The following PIK3C2G variants were observed in gnomAD, a reference collection of about 807,000 sequenced individuals.
PIK3C2G encodes phosphatidylinositol 3-kinase C2 domain-containing subunit gamma.
PIK3C2G carries 168 observed loss-of-function variants against 181.1 expected under a neutral mutation model. That is an observed-to-expected ratio of 0.93 (90% CI 0.82 to 1.05). The LOEUF (loss-of-function observed/expected upper bound fraction) is 1.05, where lower values mean the gene tolerates loss of function less well. PIK3C2G is among the 50% of genes least tolerant of loss of function. The pLI is 0.00. For synonymous variants in PIK3C2G, 573 were observed against 592.2 expected, an observed-to-expected ratio of 0.97 and a Z score of 0.47; for missense variants, 1,869 against 1,732.8, an observed-to-expected ratio of 1.08 and a Z score of -1.40.
At chr12:18,696,322 C>CAATATATATATATATATATATA in the PIK3C2G span, 1 of 253,072 alleles carries the variant, frequency 4.0e-6, no homozygotes, top group African/African-American at 6.1e-5. Flanking sequence ...TAAAAAGCCA[C>CAATATATATATATATATATATA]TATATATATA....
chr12:18,460,085 T>C (rs543301545), intron 18 of PIK3C2G, among the ~76,000 whole-genome samples: 2 of 152,234 alleles, frequency 1.3e-5, no homozygotes, highest in South Asian at 4.2e-4. Context: ...CTTAATTACT[T>C]TTTTCTACAT....
chr12:18,532,157 T>C (rs918038430), intron 24 of PIK3C2G, among the ~76,000 whole-genome samples: 6 of 152,124 alleles, frequency 3.9e-5, no homozygotes, highest in African/African-American at 1.4e-4. Context: ...TTTATATGTT[T>C]ATTTACAATC....
intron 24 of PIK3C2G, among the ~76,000 whole-genome samples, chr12:18,511,039 A>C (rs983990704): frequency 4.0e-5 from 6 of 151,888 alleles, no homozygotes; most frequent in African/African-American, 1.2e-4. Flanking sequence ...CTACTCCTAC[A>C]AATTAAACTT....
At chr12:18,642,823 T>TGTGC (rs55753341) in intron 32 of PIK3C2G, among the ~76,000 whole-genome samples, 2 of 149,232 alleles carry the variant, frequency 1.3e-5, no homozygotes, top group African/African-American at 5.1e-5. Flanking sequence ...TGTGTGTGTG[T>TGTGC]ATAAAATGTA....
intron 25 of PIK3C2G, among the ~76,000 whole-genome samples, chr12:18,545,508 A>AT (rs202080878): frequency 0.018 from 2,685 of 145,906 alleles, 69 homozygotes; most frequent in African/African-American, 0.056. Flanking sequence ...AACAGTCTTC[A>AT]TTTTTTTTTT....
At chr12:18,598,847 A>G (rs1353911953) in intron 30 of PIK3C2G, among the ~76,000 whole-genome samples, 1 of 151,916 alleles carries the variant, frequency 6.6e-6, no homozygotes, top group African/African-American at 2.4e-5. Context: ...GGACATGAAC[A>G]GACGCTTCTC....
chr12:18,283,958 A>T (rs912069051), intron 2 of PIK3C2G, among the ~76,000 whole-genome samples: 9 of 152,096 alleles, frequency 5.9e-5, no homozygotes, highest in Admixed American at 1.3e-4. Flanking sequence ...AGGCTGCTGG[A>T]GCCCAATTTG....
chr12:18,668,695 A>G, the PIK3C2G span, among the ~76,000 whole-genome samples: 1 of 152,172 alleles, frequency 6.6e-6, no homozygotes, highest in East Asian at 1.9e-4. Context: ...CCTCCAGCCC[A>G]TAAAGGAAAA....
At chr12:18,463,227 T>C (rs1948017760) in intron 18 of PIK3C2G, among the ~76,000 whole-genome samples, 1 of 152,144 alleles carries the variant, frequency 6.6e-6, no homozygotes, top group Non-Finnish European at 1.5e-5. Flanking sequence ...TTATAACATA[T>C]AGAATGGGCT....
At position 18,428,733 on chromosome 12, in the gene PIK3C2G, G is replaced by A. The variant is rs114105369; in HGVS notation, c.2504+4694G>A. On this transcript the variant is annotated intron_variant, in intron 18 of 32. Transcript: ENST00000538779. The stretch of plus-strand genomic sequence containing the variant: ...CTCTTCCACTGGAAGAGTGAATGTA[G>A]GATGAATAGCCCCTATTTTCCAAGG... Among the ~76,000 whole-genome samples, 964 of 152,260 alleles carry A rather than the reference G, an allele frequency of 6.3e-3. 9 individuals are homozygous for A. The highest frequency in any genetic ancestry group is 0.022 in the African/African-American group (928 of 41,556).
intron 18 of PIK3C2G, among the ~76,000 whole-genome samples, chr12:18,452,445 T>C (rs1479758869): frequency 2.0e-5 from 3 of 152,148 alleles, no homozygotes; most frequent in African/African-American, 7.2e-5. Flanking sequence ...ATTGTGCCTA[T>C]TTGATTCTTC....
intron 16 of PIK3C2G, among the ~76,000 whole-genome samples, chr12:18,418,048 C>G (rs1302316164): frequency 6.6e-6 from 1 of 152,142 alleles, no homozygotes; most frequent in African/African-American, 2.4e-5. Flanking sequence ...ATGATCAATG[C>G]ATTTTTATTC....
At chr12:18,422,632 T>C (rs1592220651) in intron 17 of PIK3C2G, among the ~76,000 whole-genome samples, 1 of 151,996 alleles carries the variant, frequency 6.6e-6, no homozygotes, top group Admixed American at 6.6e-5. Flanking sequence ...GTCTACATTC[T>C]AGATGGTCAG....
At position 18,286,923 on chromosome 12, in the gene PIK3C2G, TA is replaced by T; in HGVS notation, c.761del (p.Ile255SerfsTer60). ...AGTCTGGCCTCTTTTTGCAACAAAG[TA>T]AAAAAGTGAGTACTGGTATTTCATT... Reference protein sequence around the residue: ...NTSLASFCNKVKKIRERYHAA... With the variant: ...NTSLASFCNKXKKIRERYHAA... On this transcript the variant is annotated frameshift_variant, in exon 3 of 33. Coordinates refer to ENST00000538779, the MANE Select transcript of PIK3C2G (RefSeq NM_001288772.2). LOFTEE classifies it high-confidence loss of function. 2.6e-6 allele frequency: 4 copies of T among 1,537,054 alleles called. No homozygotes were observed. The highest frequency in any genetic ancestry group is 2.4e-5 in the East Asian group (1 of 42,326).
the PIK3C2G span, among the ~76,000 whole-genome samples, chr12:18,686,067 T>C: frequency 6.6e-6 from 1 of 152,030 alleles, no homozygotes. Flanking sequence ...TAAATCATCT[T>C]AAAATTCTTC....
At chr12:18,405,960 A>G (rs896778756) in intron 16 of PIK3C2G, among the ~76,000 whole-genome samples, 2 of 152,160 alleles carry the variant, frequency 1.3e-5, no homozygotes, top group African/African-American at 4.8e-5. Context: ...CACGCAGTGC[A>G]ATAGATCACA....
intron 13 of PIK3C2G, among the ~76,000 whole-genome samples, chr12:18,381,132 C>T (rs1942806095): frequency 6.6e-6 from 1 of 152,042 alleles, no homozygotes; most frequent in South Asian, 2.1e-4. Flanking sequence ...CAAACTCTTC[C>T]CTGTTTAAAG....
the PIK3C2G span, chr12:18,693,449 T>TA: frequency 6.2e-7 from 1 of 1,605,672 alleles, no homozygotes; most frequent in Non-Finnish European, 8.5e-7. Context: ...GGTCATTCTC[T>TA]GTGGTCCACC....
chr12:18,493,093 A>C (rs1940717206), intron 20 of PIK3C2G: 1 of 152,286 alleles, frequency 6.6e-6, no homozygotes, highest in East Asian at 1.9e-4. Flanking sequence ...GAAACCTTAC[A>C]GTTGAAATGA....
Sources: gnomAD v4.1 joint callset for allele counts (sites outside exome capture counted in the v4.1 genomes callset) on GRCh38, gnomAD v4.1.1 for gene constraint, MANE v1.5 for transcripts, NCBI Gene and HGNC (gene_info 2026-07-23, HGNC 2026-07-21) for gene names.